The following TMEM135 variants were observed in gnomAD, a reference collection of about 807,000 sequenced individuals.
TMEM135 encodes the protein transmembrane protein 135.
A neutral mutation model predicts 60.3 loss-of-function variants in TMEM135; 30 were observed. The observed-to-expected ratio is 0.50, with a 90% CI of 0.37 to 0.68. The LOEUF (loss-of-function observed/expected upper bound fraction) is 0.68. TMEM135 is among the 30% of genes least tolerant of loss of function. The pLI, the probability that TMEM135 is intolerant of heterozygous loss-of-function variation, is 0.00. For missense variants in TMEM135, 468 were observed against 548.8 expected (o/e 0.85, Z 1.47); for synonymous variants, 190 against 186.7 (o/e 1.02, Z -0.14).
chr11:87,195,369 CCTTCCTTCCTTCCTTCCTTCCT>C (rs1243309617), intron 5 of TMEM135, among the ~76,000 whole-genome samples: 25 of 122,742 alleles, frequency 2.0e-4, no homozygotes, highest in African/African-American at 4.8e-4. Flanking sequence ...TTCCTTCCTT[CCTTCCTTCCTTCCTTCCTTCCT>C]TCTCTCTCTC....
chr11:87,285,962 C>A (rs560253263), intron 6 of TMEM135, among the ~76,000 whole-genome samples: 1 of 152,250 alleles, frequency 6.6e-6, no homozygotes, highest in Admixed American at 6.5e-5. Flanking sequence ...ATTTACAATC[C>A]TCTAGCTAGA....
At chr11:87,061,340 G>T (rs1949945366) in intron 1 of TMEM135, among the ~76,000 whole-genome samples, 1 of 152,044 alleles carries the variant, frequency 6.6e-6, no homozygotes, top group African/African-American at 2.4e-5. Flanking sequence ...GAAAGTAGAG[G>T]GCAGGGATGC....
chr11:87,145,894 C>T (rs954715776), intron 4 of TMEM135, among the ~76,000 whole-genome samples: 11 of 152,042 alleles, frequency 7.2e-5, no homozygotes, highest in African/African-American at 2.2e-4. Flanking sequence ...CTCTCTACTC[C>T]GTTGTTTTCT....
intron 4 of TMEM135, among the ~76,000 whole-genome samples, chr11:87,108,670 C>T (rs1857661384): frequency 1.3e-5 from 2 of 151,946 alleles, no homozygotes; most frequent in South Asian, 2.1e-4. Context: ...TTGACCTAGG[C>T]GTTTAGTGCT....
In TMEM135 at chr11:87,322,185, C is replaced by T. The variant is rs1565172296; in HGVS notation, c.*852C>T. 1 of 454,298 alleles carries T rather than the reference C, an allele frequency of 2.2e-6. No homozygotes were observed. Among genetic ancestry groups the T allele is most frequent in the South Asian group, 1.6e-5 (1 of 64,458 alleles). 28.1% of individuals were successfully genotyped at this position (454,298 alleles called of 1,614,324 possible). On this transcript the variant is annotated 3_prime_UTR_variant, in exon 15 of 15. Coordinates refer to ENST00000305494, the MANE Select transcript of TMEM135 (RefSeq NM_022918.4). ...TGTTTTCATTTATATGGACATAATCCTTCATAGCTCAGTTTATATGCCATT... is the reference window on the plus strand; with the variant it reads ...TGTTTTCATTTATATGGACATAATCTTTCATAGCTCAGTTTATATGCCATT...
intron 5 of TMEM135, among the ~76,000 whole-genome samples, chr11:87,227,188 A>C (rs1036917601): frequency 6.6e-6 from 1 of 152,068 alleles, no homozygotes; most frequent in Non-Finnish European, 1.5e-5. Context: ...TGTATACATA[A>C]ATTCTGAGAC....
rs1479271353 is a variant in TMEM135, at chr11:87,322,622, G to C, written c.*1289G>C. 1 of 453,786 alleles carries C rather than the reference G, an allele frequency of 2.2e-6. No individual in the cohort carries two copies. Among genetic ancestry groups the C allele is most frequent in the African/African-American group, 2.0e-5 (1 of 50,104 alleles). 28.1% of individuals were successfully genotyped at this position (453,786 alleles called of 1,614,324 possible). A position where few individuals can be genotyped will look rare whatever the true frequency, so the allele number is the denominator to read the frequency against. On this transcript the variant is annotated 3_prime_UTR_variant, in exon 15 of 15. Transcript: ENST00000305494. ...TTAAAATACATTTTGTTGCTAAAAA[G>C]TTTTTAGGCCAGTGCAAATTATGCA...
rs975530019 is a variant in TMEM135 at position 87,323,235 on chromosome 11, T to C, written c.*1902T>C. On this transcript the variant is annotated 3_prime_UTR_variant, in exon 15 of 15. Coordinates refer to ENST00000305494, the MANE Select transcript of TMEM135 (RefSeq NM_022918.4). ...AATTTACCTTTTCATTTTTATAAAT[T>C]GCAGTCATTTTTTTAAATTTTATGT... 1 of 453,682 alleles carries C rather than the reference T, an allele frequency of 2.2e-6. No homozygotes were observed. Among genetic ancestry groups the C allele is most frequent in the Non-Finnish European group, 4.4e-6 (1 of 226,572 alleles). 28.1% of individuals were successfully genotyped at this position (453,682 alleles called of 1,614,324 possible).
At chr11:87,168,314 C>A (rs1939126293) in intron 5 of TMEM135, among the ~76,000 whole-genome samples, 1 of 152,062 alleles carries the variant, frequency 6.6e-6, no homozygotes, top group South Asian at 2.1e-4. Flanking sequence ...TTCAGTTCTG[C>A]TCTGATCTTA....
chr11:87,212,684 ATGG>A (rs1940400566), intron 5 of TMEM135, among the ~76,000 whole-genome samples: 1 of 152,026 alleles, frequency 6.6e-6, no homozygotes, highest in Admixed American at 6.6e-5. Context: ...TTAGCTGGAC[ATGG>A]TGGCATGTGC....
chr11:87,089,691 A>G (rs1350657811), intron 3 of TMEM135, among the ~76,000 whole-genome samples: 1 of 152,158 alleles, frequency 6.6e-6, no homozygotes, highest in Non-Finnish European at 1.5e-5. Flanking sequence ...GAAGCACTTA[A>G]CTTTTCTTTC....
intron 6 of TMEM135, among the ~76,000 whole-genome samples, chr11:87,260,169 A>T (rs916517762): frequency 7.2e-5 from 11 of 152,342 alleles, no homozygotes; most frequent in African/African-American, 2.6e-4. Context: ...GTGGAAAACA[A>T]TTGAGCTTAT....
intron 5 of TMEM135, among the ~76,000 whole-genome samples, chr11:87,161,050 C>T (rs537546820): frequency 2.7e-4 from 41 of 152,278 alleles, no homozygotes; most frequent in African/African-American, 9.6e-4. Flanking sequence ...CATGCATCCA[C>T]TACCACACCT....
rs117953336 is a variant in TMEM135, at chr11:87,212,428, G to C, written c.463-24210G>C. On this transcript the variant is annotated intron_variant, in intron 5 of 14. Transcript: ENST00000305494. ...ATTAATAATTTTAAAGGAGAACTTTGTAAATTACAGAAGGTATTGGTCATT... is the reference window on the plus strand; with the variant it reads ...ATTAATAATTTTAAAGGAGAACTTTCTAAATTACAGAAGGTATTGGTCATT... Among the ~76,000 whole-genome samples the C allele has an allele frequency of 4.9e-4, 75 of 152,256 alleles. No homozygotes were observed. In the East Asian group the frequency reaches 0.013, roughly 26 times the overall value.
intron 6 of TMEM135, among the ~76,000 whole-genome samples, chr11:87,260,532 T>C (rs1305578522): frequency 1.6e-5 from 1 of 64,096 alleles, no homozygotes; most frequent in East Asian, 2.4e-4. Context: ...TTATTATCTA[T>C]TTTTTTTTGG....
At chr11:87,250,929 G>A (rs572451158) in intron 6 of TMEM135, among the ~76,000 whole-genome samples, 4 of 152,282 alleles carry the variant, frequency 2.6e-5, no homozygotes, top group East Asian at 1.9e-4. Context: ...ATCCAGCAGA[G>A]AAATGGTGAG....
chr11:87,089,623 A>G (rs1857165547), intron 3 of TMEM135, among the ~76,000 whole-genome samples: 1 of 152,182 alleles, frequency 6.6e-6, no homozygotes, highest in Admixed American at 6.5e-5. Flanking sequence ...GGAATTTGTA[A>G]CATATATGTT....
intron 12 of TMEM135, among the ~76,000 whole-genome samples, chr11:87,315,269 C>T (rs189031750): frequency 6.6e-6 from 1 of 151,948 alleles, no homozygotes; most frequent in Admixed American, 6.6e-5. Context: ...GCTGATTGCA[C>T]CCTCACTGTT....
chr11:87,060,654 T>G (rs1274452403), intron 1 of TMEM135, among the ~76,000 whole-genome samples: 2 of 151,694 alleles, frequency 1.3e-5, no homozygotes, highest in Admixed American at 6.6e-5. Flanking sequence ...TTCCTTTTTT[T>G]TTTTTTGAGA....
Sources: allele counts gnomAD v4.1 joint callset (sites outside exome capture counted in the v4.1 genomes callset), GRCh38; gene constraint gnomAD v4.1.1; transcripts MANE v1.5; gene names NCBI Gene and HGNC (gene_info 2026-07-23, HGNC 2026-07-21).